RALGAPA1: variants seen among roughly 807,000 people sequenced by gnomAD.
RALGAPA1 encodes ral GTPase-activating protein subunit alpha-1.
Under a neutral mutation model 269.6 loss-of-function variants are expected in RALGAPA1, and 52 were observed. The observed-to-expected ratio is 0.19, with a 90% confidence interval of 0.15 to 0.24. RALGAPA1 has a LOEUF of 0.24. Among genes scored for constraint, RALGAPA1 ranks in the 10% least tolerant of loss-of-function variants. The pLI is 1.00. For synonymous variants in RALGAPA1, 817 were observed against 1,008.3 expected, an observed-to-expected ratio of 0.81 and a Z score of 3.60; for missense variants, 1,917 against 3,013.9, an observed-to-expected ratio of 0.64 and a Z score of 8.52.
intron 16 of RALGAPA1, among the ~76,000 whole-genome samples, chr14:35,708,939 T>C (rs2068045117): frequency 6.6e-6 from 1 of 152,078 alleles, no homozygotes; most frequent in Non-Finnish European, 1.5e-5. Flanking sequence ...GATCCTGACA[T>C]GAGGTCATTA....
chr14:35,748,411 T>C, intron 10 of RALGAPA1, 174 bp downstream of exon 10: 1 of 465,224 alleles, frequency 2.1e-6, no homozygotes, highest in Non-Finnish European at 3.4e-6. Flanking sequence ...ATGCGGTCTC[T>C]CCATGTTGTC....
At chr14:35,759,631 C>T (rs929032535) in intron 6 of RALGAPA1, among the ~76,000 whole-genome samples, 3 of 150,230 alleles carry the variant, frequency 2.0e-5, no homozygotes, top group Non-Finnish European at 3.0e-5. Context: ...AAAATCTGGT[C>T]GGGTGTAGTG....
chr14:35,554,329 A>C (rs1182827668), intron 39 of RALGAPA1, among the ~76,000 whole-genome samples: 1 of 148,726 alleles, frequency 6.7e-6, no homozygotes, highest in Non-Finnish European at 1.5e-5. Flanking sequence ...CTTCTACTAA[A>C]TACACTTTCT....
At position 35,595,677 on chromosome 14, in the gene RALGAPA1, G is replaced by C; in HGVS notation, c.7166C>G (p.Ser2389Ter). ...ATCAGAATCAGAAGGCATTCTTGTT[G>C]ACACGTGAAATATTACCTCTACTGT... ...TSTVEVIFHVSTRMPSDSDDS... is the reference protein window; with the variant it reads ...TSTVEVIFHV Residue 2389 changes from serine to a stop codon, truncating the protein, a stop_gained, in exon 37 of 42, where the codon TCA becomes TGA. Coordinates refer to ENST00000680220, the MANE Select transcript of RALGAPA1 (RefSeq NM_001346249.2). LOFTEE classifies it high-confidence loss of function. 2 of 1,612,490 alleles carry C rather than the reference G, an allele frequency of 1.2e-6. No homozygotes were observed. The highest frequency in any genetic ancestry group is 1.7e-6 in the Non-Finnish European group (2 of 1,179,150).
chr14:35,753,318 ATAAG>A (rs1490794038), intron 7 of RALGAPA1, among the ~76,000 whole-genome samples: 13 of 152,206 alleles, frequency 8.5e-5, no homozygotes, highest in Admixed American at 3.3e-4. Flanking sequence ...CTTGAGATAA[ATAAG>A]TAAGTAAACA....
At chr14:35,642,609 G>T (rs954553323) in intron 31 of RALGAPA1, among the ~76,000 whole-genome samples, 1 of 152,136 alleles carries the variant, frequency 6.6e-6, no homozygotes, top group African/African-American at 2.4e-5. Flanking sequence ...TCTCACCTCA[G>T]TTAAAACGGG....
chr14:35,567,378 G>A (rs1221423741), intron 39 of RALGAPA1, among the ~76,000 whole-genome samples: 1 of 151,956 alleles, frequency 6.6e-6, no homozygotes, highest in African/African-American at 2.4e-5. Context: ...CACATAACAG[G>A]ATTAATCATT....
At chr14:35,589,116 GC>G (rs1436499114) in intron 37 of RALGAPA1, among the ~76,000 whole-genome samples, 1 of 152,182 alleles carries the variant, frequency 6.6e-6, no homozygotes, top group East Asian at 1.9e-4. Context: ...CTTGGAAACT[GC>G]AACTTTAAGC....
intron 31 of RALGAPA1, among the ~76,000 whole-genome samples, chr14:35,648,125 A>C (rs940605653): frequency 3.7e-4 from 56 of 151,640 alleles, no homozygotes; most frequent in African/African-American, 1.0e-3. Flanking sequence ...AAAAAACAAA[A>C]AAAAAAACCA....
intron 3 of RALGAPA1, among the ~76,000 whole-genome samples, chr14:35,771,628 A>G (rs1390864524): frequency 6.6e-6 from 1 of 152,194 alleles, no homozygotes; most frequent in Admixed American, 6.6e-5. Context: ...ATTCTAATAT[A>G]TTTAAAATGC....
At chr14:35,654,513 TG>T in intron 29 of RALGAPA1, 36 bp from the exon 30 acceptor site, 1 of 1,555,618 alleles carries the variant, frequency 6.4e-7, no homozygotes, top group Non-Finnish European at 8.6e-7. Flanking sequence ...AAAATTTTCA[TG>T]ATGAACTTTT....
intron 40 of RALGAPA1, among the ~76,000 whole-genome samples, 177 bp downstream of exon 40, chr14:35,548,933 C>A (rs1017677203): frequency 9.9e-5 from 15 of 152,018 alleles, no homozygotes; most frequent in African/African-American, 2.4e-5. Flanking sequence ...TTTTAAGGAA[C>A]TGCATTTAGG....
intron 16 of RALGAPA1, among the ~76,000 whole-genome samples, chr14:35,705,746 T>G (rs1010487691): frequency 6.6e-6 from 1 of 152,194 alleles, no homozygotes; most frequent in East Asian, 1.9e-4. Context: ...TGTCTCCCAG[T>G]GTGATGATAT....
intron 2 of RALGAPA1, among the ~76,000 whole-genome samples, 161 bp from the exon 3 acceptor site, chr14:35,775,216 C>A (rs2074932007): frequency 1.3e-5 from 2 of 152,008 alleles, no homozygotes; most frequent in African/African-American, 4.8e-5. Flanking sequence ...CAGTCACTCT[C>A]TTTACTCTTT....
chr14:35,706,359 A>G (rs1194272171), intron 16 of RALGAPA1, among the ~76,000 whole-genome samples: 5 of 152,180 alleles, frequency 3.3e-5, no homozygotes, highest in African/African-American at 1.2e-4. Flanking sequence ...TGGATGTCCA[A>G]TTGTTACAGC....
At chr14:35,799,719 T>C (rs1332047767) in intron 1 of RALGAPA1, among the ~76,000 whole-genome samples, 3 of 151,424 alleles carry the variant, frequency 2.0e-5, no homozygotes, top group East Asian at 3.9e-4. Flanking sequence ...AGAAAACAAA[T>C]AGAAAGATGA....
intron 2 of RALGAPA1, 145 bp from the exon 3 acceptor site, chr14:35,775,200 A>G: frequency 1.7e-6 from 1 of 590,036 alleles, no homozygotes; most frequent in Non-Finnish European, 3.0e-6. Context: ...TGTGTAGACA[A>G]TATCACAGTC....
At chr14:35,753,296 G>A (rs987481641) in intron 7 of RALGAPA1, among the ~76,000 whole-genome samples, 10 of 152,204 alleles carry the variant, frequency 6.6e-5, no homozygotes, top group Non-Finnish European at 1.3e-4. Context: ...TCACAGGAAT[G>A]CATAAATCCG....
intron 31 of RALGAPA1, among the ~76,000 whole-genome samples, chr14:35,640,406 A>C (rs1454816446): frequency 6.6e-6 from 1 of 152,166 alleles, no homozygotes; most frequent in Non-Finnish European, 1.5e-5. Context: ...AAGAGGAGAC[A>C]TTAAAAACCG....
Sources: gnomAD v4.1 joint callset for allele counts (sites outside exome capture counted in the v4.1 genomes callset) on GRCh38, gnomAD v4.1.1 for gene constraint, MANE v1.5 for transcripts, NCBI Gene and HGNC (gene_info 2026-07-23, HGNC 2026-07-21) for gene names.